CPEB3: variants seen among roughly 807,000 people sequenced by gnomAD.
CPEB3 encodes the protein cytoplasmic polyadenylation element binding protein 3.
A neutral mutation model predicts 67.2 loss-of-function variants in CPEB3; 20 were observed. The observed-to-expected ratio is 0.30, with a 90% CI of 0.21 to 0.43. The LOEUF is 0.43. CPEB3 is among the 20% of genes least tolerant of loss of function. The probability of loss-of-function intolerance (pLI) is 1.00; values close to 1 mark genes in which losing one functional copy is unlikely to be tolerated. For synonymous variants in CPEB3, 376 were observed against 393.1 expected (o/e 0.96, Z 0.51); for missense variants, 746 against 968.6 (o/e 0.77, Z 3.05).
Position 92,240,198 on chromosome 10 carries a change from G to A in CPEB3, c.153C>T (p.Ser51=), listed in dbSNP as rs1216051897. ...SSETPKPEEN[S]AVPALSPAAA... is the part of the protein sequence containing the mutation. ...CGGCTGGGCTGAGGGCCGGCACTGCGCTGTTTTCCTCCGGCTTGGGGGTCT... is the reference window on the plus strand; with the variant it reads ...CGGCTGGGCTGAGGGCCGGCACTGCACTGTTTTCCTCCGGCTTGGGGGTCT... Residue 51 remains serine, a synonymous_variant, in exon 2 of 10, where the codon AGC becomes AGT. Transcript: ENST00000265997. 4 of 1,518,066 alleles carry A rather than the reference G, an allele frequency of 2.6e-6. No individual in the cohort carries two copies. The highest frequency in any genetic ancestry group is 2.1e-5 in the Admixed American group (1 of 46,702). The allele number at this position is 1,518,066 out of a possible 1,614,324, so 94.0% of individuals were successfully genotyped here. A position where few individuals can be genotyped will look rare whatever the true frequency, so the allele number is the denominator to read the frequency against.
rs887967432 is a variant in CPEB3 at position 92,120,313 on chromosome 10, G to A, written c.1454-9119C>T. ...AAAACCAAATTGCTAGGCCGGGCAC[G>A]GTGGCTCACACCTGTAATCCCAGCA... is the stretch of plus-strand genomic sequence containing the variant. On this transcript the variant is annotated intron_variant, in intron 6 of 9. Coordinates refer to ENST00000265997, the MANE Select transcript of CPEB3 (RefSeq NM_014912.5). Among the ~76,000 whole-genome samples, 15 of 151,492 alleles carry A rather than the reference G, an allele frequency of 9.9e-5. No individual in the cohort carries two copies. In the South Asian group the frequency reaches 1.7e-3, roughly 17 times the overall value.
chr10:92,148,484 C>T (rs1227035173), intron 4 of CPEB3, among the ~76,000 whole-genome samples: 1 of 152,154 alleles, frequency 6.6e-6, no homozygotes, highest in Non-Finnish European at 1.5e-5. Flanking sequence ...CCACACACAG[C>T]CCCCTGTATT....
chr10:92,236,541 A>T (rs983197796), intron 2 of CPEB3, among the ~76,000 whole-genome samples: 1 of 152,190 alleles, frequency 6.6e-6, no homozygotes, highest in South Asian at 2.1e-4. Flanking sequence ...TGAGGTCAGG[A>T]GTTCAAGACC....
intron 2 of CPEB3, chr10:92,216,287 T>G: frequency 6.5e-7 from 1 of 1,535,966 alleles, no homozygotes; most frequent in Non-Finnish European, 8.8e-7. Context: ...AACATAAAAT[T>G]TGGCTGGGCA....
intron 2 of CPEB3, among the ~76,000 whole-genome samples, chr10:92,235,830 T>C (rs536799479): frequency 2.6e-4 from 39 of 152,358 alleles, no homozygotes; most frequent in Non-Finnish European, 4.3e-4. Flanking sequence ...AAAATGAGCA[T>C]AGTAGTCTAG....
chr10:92,184,430 C>T (rs1848595858), intron 3 of CPEB3, among the ~76,000 whole-genome samples: 1 of 152,094 alleles, frequency 6.6e-6, no homozygotes, highest in Admixed American at 6.6e-5. Flanking sequence ...TGGTGAAACC[C>T]CATCTCTACT....
chr10:92,275,775 C>T (rs553130566), intron 1 of CPEB3, among the ~76,000 whole-genome samples: 1 of 151,734 alleles, frequency 6.6e-6, no homozygotes, highest in East Asian at 1.9e-4. Flanking sequence ...TTGTGACCAG[C>T]TCCTGTCACA....
At chr10:92,212,046 A>AT (rs908547766) in intron 2 of CPEB3, among the ~76,000 whole-genome samples, 1 of 139,786 alleles carries the variant, frequency 7.2e-6, no homozygotes, top group African/African-American at 2.7e-5. Flanking sequence ...TTTTATTTTT[A>AT]TTTTTTGTAC....
At position 92,240,256 on chromosome 10, in the gene CPEB3, A is replaced by G; in HGVS notation, c.95T>C (p.Val32Ala). 1 of 1,515,448 alleles carries G rather than the reference A, an allele frequency of 6.6e-7. No individual in the cohort carries two copies. Among genetic ancestry groups the G allele is most frequent in the Non-Finnish European group, 8.8e-7 (1 of 1,130,276 alleles). The allele number at this position is 1,515,448 out of a possible 1,614,324, so 93.9% of individuals were successfully genotyped here. A position where few individuals can be genotyped will look rare whatever the true frequency, so the allele number is the denominator to read the frequency against. Residue 32 changes from valine to alanine, a missense_variant, in exon 2 of 10, where the codon GTA (valine) becomes GCA (alanine). By Grantham distance (64) the Val-to-Ala change is moderately conservative. Transcript: ENST00000265997. The stretch of plus-strand genomic sequence containing the variant: ...GAGGGGCGTGGACGGGGCTTCGGAT[A>G]CGCTGGACTCAGGTTGGGGCTGCTG... Reference protein sequence around the residue: ...QQQQPQPESSVSEAPSTPLSS... With the variant: ...QQQQPQPESSASEAPSTPLSS...
chr10:92,289,254 T>C (rs1842682550), intron 1 of CPEB3, among the ~76,000 whole-genome samples: 1 of 149,988 alleles, frequency 6.7e-6, no homozygotes, highest in African/African-American at 2.5e-5. Context: ...AAAAATAAAA[T>C]AGACCAGGCG....
At chr10:92,264,173 T>C (rs1196501422) in intron 1 of CPEB3, among the ~76,000 whole-genome samples, 1 of 151,598 alleles carries the variant, frequency 6.6e-6, no homozygotes, top group Non-Finnish European at 1.5e-5. Context: ...TACAAAAATA[T>C]AAAAATTAGC....
At chr10:92,273,110 G>C (rs1385349306) in intron 1 of CPEB3, among the ~76,000 whole-genome samples, 1 of 152,178 alleles carries the variant, frequency 6.6e-6, no homozygotes, top group East Asian at 1.9e-4. Flanking sequence ...TGTGGTAAGA[G>C]AGAAGGATGA....
intron 2 of CPEB3, 111 bp from the exon 3 acceptor site, chr10:92,192,747 C>A: frequency 1.4e-6 from 1 of 696,950 alleles, no homozygotes; most frequent in South Asian, 2.8e-5. Context: ...TTACAGAGAG[C>A]CCCAACAGCA....
intron 6 of CPEB3, among the ~76,000 whole-genome samples, chr10:92,133,120 G>C (rs1442561921): frequency 6.6e-6 from 1 of 152,002 alleles, no homozygotes; most frequent in Admixed American, 6.6e-5. Context: ...AGAGAAGCAA[G>C]AGCAAACAAA....
intron 2 of CPEB3, among the ~76,000 whole-genome samples, chr10:92,213,159 C>T (rs1196633985): frequency 6.6e-6 from 1 of 152,126 alleles, no homozygotes; most frequent in Non-Finnish European, 1.5e-5. Flanking sequence ...TGAGTAACCC[C>T]AGGCCCCAAA....
At chr10:92,250,974 G>A (rs572192447) in intron 1 of CPEB3, among the ~76,000 whole-genome samples, 1 of 143,872 alleles carries the variant, frequency 7.0e-6, no homozygotes, top group Non-Finnish European at 1.5e-5. Flanking sequence ...CAGGCAATCC[G>A]CCCACCTCAG....
intron 2 of CPEB3, among the ~76,000 whole-genome samples, chr10:92,216,049 AT>A (rs71025388): frequency 7.2e-5 from 10 of 138,282 alleles, no homozygotes; most frequent in African/African-American, 1.1e-4. Flanking sequence ...CGCCCAGCTC[AT>A]TTTTTTTTTT....
At chr10:92,121,120 TGCCTCA>T (rs1845352424) in intron 6 of CPEB3, among the ~76,000 whole-genome samples, 6 of 152,072 alleles carry the variant, frequency 3.9e-5, no homozygotes, top group Admixed American at 3.9e-4. Flanking sequence ...GAGATTCTCC[TGCCTCA>T]GCCTCCCGAT....
intron 8 of CPEB3, among the ~76,000 whole-genome samples, chr10:92,084,183 A>AG (rs1843276881): frequency 6.6e-6 from 1 of 151,796 alleles, no homozygotes; most frequent in African/African-American, 2.4e-5. Context: ...AAAAAAAAAA[A>AG]AATCTTCAGG....
Sources: allele counts gnomAD v4.1 joint callset (sites outside exome capture counted in the v4.1 genomes callset), GRCh38; gene constraint gnomAD v4.1.1; transcripts MANE v1.5; gene names NCBI Gene and HGNC (gene_info 2026-07-23, HGNC 2026-07-21).